The following HOOK1 variants were observed in gnomAD, a reference collection of about 807,000 sequenced individuals.
The protein encoded by HOOK1 is protein Hook homolog 1.
A neutral mutation model predicts 112.8 loss-of-function variants in HOOK1; 60 were observed. The ratio of observed to expected loss-of-function variants is 0.53; its 90% CI spans 0.43 to 0.66. The LOEUF is 0.66. Ranked by LOEUF, HOOK1 falls within the 30% of genes least tolerant of loss-of-function variation. The probability of loss-of-function intolerance (pLI) is 0.00; values close to 1 mark genes in which losing one functional copy is unlikely to be tolerated. For missense variants in HOOK1, 770 were observed against 856.0 expected (o/e 0.90, Z 1.25); for synonymous variants, 294 against 283.8 (o/e 1.04, Z -0.36).
At chr1:59,833,994 T>A (rs2098395850) in intron 5 of HOOK1, among the ~76,000 whole-genome samples, 2 of 152,218 alleles carry the variant, frequency 1.3e-5, no homozygotes, top group Admixed American at 1.3e-4. Flanking sequence ...AGATAAGTGG[T>A]CTAATGATAT....
intron 1 of HOOK1, among the ~76,000 whole-genome samples, chr1:59,817,756 CTT>C (rs1298483450): frequency 6.6e-6 from 1 of 152,170 alleles, no homozygotes; most frequent in Non-Finnish European, 1.5e-5. Context: ...TTCAGGGACT[CTT>C]TGTTACAACC....
intron 6 of HOOK1, among the ~76,000 whole-genome samples, chr1:59,836,316 T>C (rs1574189888): frequency 6.6e-6 from 1 of 152,142 alleles, no homozygotes; most frequent in East Asian, 1.9e-4. Context: ...AAGCAGACTT[T>C]GGAAGGGGCA....
intron 2 of HOOK1, among the ~76,000 whole-genome samples, chr1:59,827,744 G>A (rs1396591494): frequency 1.3e-5 from 2 of 150,722 alleles, no homozygotes; most frequent in Non-Finnish European, 3.0e-5. Flanking sequence ...TTTTCTTTTG[G>A]TTATCATAGC....
At chr1:59,844,068 A>G (rs757075032) in intron 9 of HOOK1, among the ~76,000 whole-genome samples, 6 of 152,014 alleles carry the variant, frequency 3.9e-5, no homozygotes, top group Non-Finnish European at 8.8e-5. Context: ...GCCATGAACT[A>G]TAAGACCTTG....
chr1:59,861,303 A>C (rs752096656), intron 15 of HOOK1, among the ~76,000 whole-genome samples: 9 of 152,218 alleles, frequency 5.9e-5, no homozygotes, highest in Non-Finnish European at 1.0e-4. Flanking sequence ...CTTTCTACTG[A>C]AGTCTAGTGC....
chr1:59,821,995 C>T, intron 2 of HOOK1, 52 bp downstream of exon 2: 1 of 1,392,416 alleles, frequency 7.2e-7, no homozygotes, highest in Non-Finnish European at 1.0e-6. Context: ...CAATACATAC[C>T]AAGGAAGAAA....
intron 7 of HOOK1, 70 bp from the exon 8 acceptor site, chr1:59,840,238 A>T: frequency 1.0e-6 from 1 of 987,502 alleles, no homozygotes; most frequent in Non-Finnish European, 1.5e-6. Flanking sequence ...TGAGAAGAGT[A>T]TATTTTTCTA....
At chr1:59,831,113 C>A (rs2098393665) in intron 3 of HOOK1, among the ~76,000 whole-genome samples, 2 of 152,088 alleles carry the variant, frequency 1.3e-5, no homozygotes, top group East Asian at 3.9e-4. Flanking sequence ...GTTGGCCAGG[C>A]TGGTCTTGAA....
In HOOK1 at chr1:59,845,583, T is replaced by G. The variant is rs182593805; in HGVS notation, c.789-1462T>G. ...CTAAAAGTTTTTTGTTTTTGTTTTT[T>G]TTTTCAATCATGATTAGCTGTTGAT... On this transcript the variant is annotated intron_variant, in intron 9 of 21. Coordinates refer to ENST00000371208, the MANE Select transcript of HOOK1 (RefSeq NM_015888.6). 2.8e-4 allele frequency among the ~76,000 whole-genome samples: 42 copies of G among 151,984 alleles called. No homozygotes were observed. In the East Asian group the frequency reaches 3.1e-3, roughly 11 times the overall value.
chr1:59,850,545 A>G lies in HOOK1; in HGVS notation c.1242+1362A>G, dbSNP rs79431027. The stretch of plus-strand genomic sequence containing the variant: ...TGTGATCCATTTGGTATATGGTGTG[A>G]GGTAGGCATCTGGCTTTATTCTTTT... On this transcript the variant is annotated intron_variant, in intron 12 of 21. Coordinates refer to ENST00000371208, the MANE Select transcript of HOOK1 (RefSeq NM_015888.6). Among the ~76,000 whole-genome samples the G allele has an allele frequency of 4.7e-3, 716 of 151,574 alleles. 18 individuals carry two copies. The highest frequency in any genetic ancestry group is 0.032 in the East Asian group (164 of 5,178).
Position 59,828,844 on chromosome 1 carries a change from A to G in HOOK1, c.214A>G (p.Arg72Gly). 1 of 1,612,768 alleles carries G rather than the reference A, an allele frequency of 6.2e-7. No individual in the cohort carries two copies. The highest frequency in any genetic ancestry group is 8.5e-7 in the Non-Finnish European group (1 of 1,179,094). Residue 72 changes from arginine (R) to glycine (G), a missense_variant, in exon 3 of 22, where the codon AGA (arginine) becomes GGA (glycine). Around this residue, in one of 3 missense-constraint regions of HOOK1, gnomAD observed 655 missense variants for 725.9 expected, o/e 0.90. Transcript: ENST00000371208. ...RIKEDVGDNW[R>G]IKASNVKKVL... ...TAAAGAGGATGTTGGGGACAACTGG[A>G]GAATAAAGGTATGCAGAACAAATGG...
At chr1:59,856,902 C>T (rs1335706621) in intron 12 of HOOK1, among the ~76,000 whole-genome samples, 1 of 152,100 alleles carries the variant, frequency 6.6e-6, no homozygotes, top group Non-Finnish European at 1.5e-5. Flanking sequence ...CTTTTCTGGG[C>T]ATGTGCACAG....
chr1:59,836,975 G>A (rs1372551469), intron 7 of HOOK1, 40 bp downstream of exon 7: 20 of 1,301,092 alleles, frequency 1.5e-5, no homozygotes, highest in Admixed American at 8.9e-5. Flanking sequence ...TGAAAGCAAT[G>A]TTAGGGTTTC....
At chr1:59,824,753 A>G (rs950202594) in intron 2 of HOOK1, among the ~76,000 whole-genome samples, 21 of 152,296 alleles carry the variant, frequency 1.4e-4, no homozygotes, top group African/African-American at 4.6e-4. Context: ...AGGGTTCTAC[A>G]GTTTCTTAAT....
rs771827549 is a variant in HOOK1, at chr1:59,865,859, T to C, written c.1745-13T>C. On this transcript the variant is annotated splice_polypyrimidine_tract_variant and intron_variant, in intron 18 of 21. Coordinates refer to ENST00000371208, the MANE Select transcript of HOOK1 (RefSeq NM_015888.6). Reference sequence around the variant, plus strand: ...TAATAACTGATTATGCTTCATTTTATTTTTACTAATAGTACAAAAGATCAA... The same window carrying C: ...TAATAACTGATTATGCTTCATTTTACTTTTACTAATAGTACAAAAGATCAA... 1 of 1,383,660 alleles carries C rather than the reference T, an allele frequency of 7.2e-7. No individual in the cohort carries two copies. The highest frequency in any genetic ancestry group is 1.0e-6 in the Non-Finnish European group (1 of 1,003,660). The allele number at this position is 1,383,660 out of a possible 1,614,324, so 85.7% of individuals were successfully genotyped here.
intron 8 of HOOK1, among the ~76,000 whole-genome samples, chr1:59,841,028 T>A (rs764730430): frequency 1.3e-5 from 2 of 152,118 alleles, no homozygotes; most frequent in African/African-American, 2.4e-5. Context: ...GTACTTCAGT[T>A]TTCTCTTTTG....
At chr1:59,826,708 G>A (rs2098390194) in intron 2 of HOOK1, among the ~76,000 whole-genome samples, 2 of 152,194 alleles carry the variant, frequency 1.3e-5, no homozygotes, top group South Asian at 4.1e-4. Context: ...CCAGTAGAGG[G>A]TGAGTGTGTG....
chr1:59,850,739 A>T (rs72923810), intron 12 of HOOK1, among the ~76,000 whole-genome samples: 2 of 151,394 alleles, frequency 1.3e-5, no homozygotes, highest in Admixed American at 6.6e-5. Context: ...AAAAGAGTAA[A>T]CTGCAATATA....
chr1:59,824,210 AT>A (rs35058060), intron 2 of HOOK1, among the ~76,000 whole-genome samples: 337 of 143,622 alleles, frequency 2.3e-3, no homozygotes, highest in East Asian at 9.9e-3. Flanking sequence ...ATATGTTACA[AT>A]TTTTTTTTTT....
Sources: allele counts gnomAD v4.1 joint callset (sites outside exome capture counted in the v4.1 genomes callset), GRCh38; gene constraint gnomAD v4.1.1; regional missense constraint gnomAD v4.1.1; transcripts MANE v1.5; gene names NCBI Gene and HGNC (gene_info 2026-07-23, HGNC 2026-07-21).